ZNF215: variants seen among roughly 807,000 people sequenced by gnomAD.
ZNF215 encodes BWSCR2-associated zinc finger protein 2.
Under a neutral mutation model 27.2 loss-of-function variants are expected in ZNF215, and 24 were observed. The observed-to-expected ratio is 0.88, with a 90% confidence interval of 0.64 to 1.24. The LOEUF is 1.24. Ranked by LOEUF, ZNF215 falls within the 50% of genes most tolerant of loss-of-function variation. The pLI is 0.00. For missense variants in ZNF215, 675 were observed against 605.7 expected, an observed-to-expected ratio of 1.11 and a Z score of -1.20; for synonymous variants, 210 against 204.0, an observed-to-expected ratio of 1.03 and a Z score of -0.25.
intron 6 of ZNF215, among the ~76,000 whole-genome samples, chr11:6,945,148 CA>C (rs1849774389): frequency 6.6e-6 from 1 of 152,112 alleles, no homozygotes; most frequent in Non-Finnish European, 1.5e-5. Context: ...ATCATCCTAG[CA>C]AACACTGGGT....
chr11:6,953,415 T>G (rs1023449793), intron 6 of ZNF215, among the ~76,000 whole-genome samples: 3 of 152,242 alleles, frequency 2.0e-5, no homozygotes, highest in African/African-American at 7.2e-5. Flanking sequence ...CCCATATTTC[T>G]TGGAGGCTTT....
At chr11:6,990,435 A>G (rs1476761895), downstream of ZNF215, among the ~76,000 whole-genome samples, 1 of 152,230 alleles carries the variant, frequency 6.6e-6, no homozygotes, top group Non-Finnish European at 1.5e-5. Flanking sequence ...GGATATGCAT[A>G]TCTATTTGCT....
chr11:6,990,051 T>C (rs1294136556), downstream of ZNF215, among the ~76,000 whole-genome samples: 1 of 152,224 alleles, frequency 6.6e-6, no homozygotes, highest in African/African-American at 2.4e-5. Context: ...AATCAGATCA[T>C]GCTTCATTGC....
chr11:6,939,329 ATTAC>A (rs1308654069), intron 3 of ZNF215, among the ~76,000 whole-genome samples: 3 of 152,170 alleles, frequency 2.0e-5, no homozygotes, highest in Non-Finnish European at 2.9e-5. Context: ...GCCTAGTACA[ATTAC>A]TTTAGTGTTG....
chr11:6,939,108 A>C (rs531004901), intron 3 of ZNF215, among the ~76,000 whole-genome samples: 1 of 152,360 alleles, frequency 6.6e-6, no homozygotes, highest in East Asian at 1.9e-4. Context: ...TTTTATACTC[A>C]TGGCAGGATA....
intron 3 of ZNF215, among the ~76,000 whole-genome samples, chr11:6,941,176 G>A (rs1297767757): frequency 6.6e-6 from 1 of 152,228 alleles, no homozygotes; most frequent in Non-Finnish European, 1.5e-5. Context: ...TGGAGTGTTT[G>A]AAGAAGGGAT....
intron 5 of ZNF215, among the ~76,000 whole-genome samples, chr11:6,965,091 C>G (rs1850593367): frequency 6.6e-6 from 1 of 151,982 alleles, no homozygotes; most frequent in Admixed American, 6.6e-5. Context: ...CAGATGTGGC[C>G]TCCATATTAA....
At chr11:6,965,057 T>C (rs1214566629) in intron 5 of ZNF215, among the ~76,000 whole-genome samples, 1 of 152,150 alleles carries the variant, frequency 6.6e-6, no homozygotes, top group African/African-American at 2.4e-5. Flanking sequence ...CATGGGTCTT[T>C]ACATGCATCA....
intron 5 of ZNF215, among the ~76,000 whole-genome samples, chr11:6,971,181 C>T (rs555408133): frequency 3.0e-4 from 46 of 152,150 alleles, no homozygotes; most frequent in Non-Finnish European, 4.7e-4. Context: ...GCCTCCTTAA[C>T]TAATAAGGAT....
chr11:6,950,403 T>G, intron 6 of ZNF215, among the ~76,000 whole-genome samples: 1 of 152,088 alleles, frequency 6.6e-6, no homozygotes, highest in Non-Finnish European at 1.5e-5. Flanking sequence ...CCTCTTTAAT[T>G]TCATTGAGCA....
chr11:6,970,103 A>G (rs141274823), intron 5 of ZNF215, among the ~76,000 whole-genome samples: 9 of 92,710 alleles, frequency 9.7e-5, no homozygotes, highest in Middle Eastern at 7.1e-3. Context: ...TTTGAAATAT[A>G]TATCACCCCC....
intron 5 of ZNF215, among the ~76,000 whole-genome samples, chr11:6,973,395 C>A (rs1211085642): frequency 6.6e-6 from 1 of 152,126 alleles, no homozygotes; most frequent in Non-Finnish European, 1.5e-5. Flanking sequence ...GATTTATAAT[C>A]CTTTGGGTAT....
At chr11:6,935,550 CAGTT>C (rs1240662380) in intron 3 of ZNF215, among the ~76,000 whole-genome samples, 6 of 152,032 alleles carry the variant, frequency 3.9e-5, no homozygotes, top group East Asian at 1.9e-4. Flanking sequence ...ATAACTACAA[CAGTT>C]AGAGCCTCAA....
chr11:6,976,659 G>T (rs944301483), intron 5 of ZNF215, among the ~76,000 whole-genome samples: 7 of 151,734 alleles, frequency 4.6e-5, no homozygotes, highest in Non-Finnish European at 8.8e-5. Flanking sequence ...ATGCTTTTTG[G>T]TTCTCACCTG....
At chr11:6,958,500 T>C (rs569437289), downstream of ZNF215, among the ~76,000 whole-genome samples, 3 of 152,254 alleles carry the variant, frequency 2.0e-5, no homozygotes, top group Non-Finnish European at 4.4e-5. Context: ...TTTAAAGCTC[T>C]TGCAGAGCAT....
chr11:6,952,941 ATCTC>A (rs768451609), intron 6 of ZNF215, among the ~76,000 whole-genome samples: 10 of 151,882 alleles, frequency 6.6e-5, no homozygotes, highest in Non-Finnish European at 1.0e-4. Context: ...TGGTGACAAA[ATCTC>A]TCAGCATTTG....
In ZNF215 at chr11:6,932,268, G is replaced by T. The variant is rs750189709; in HGVS notation, c.-5G>T. On this transcript the variant is annotated 5_prime_UTR_variant, in exon 3 of 7. It adds an upstream start codon to the 5' untranslated region. Coordinates refer to ENST00000278319, the MANE Select transcript of ZNF215 (RefSeq NM_013250.4). ...TGAACTACTGTGGGAGTTCTATTTA[G>T]GAAGATGCAGCCTCTGAGCAAGTTG... 1 of 1,611,860 alleles carries T rather than the reference G, an allele frequency of 6.2e-7. No homozygotes were observed. The highest frequency in any genetic ancestry group is 8.5e-7 in the Non-Finnish European group (1 of 1,179,006).
At chr11:6,984,053 T>A (rs538833297) in intron 5 of ZNF215, 1 of 366,336 alleles carries the variant, frequency 2.7e-6, no homozygotes, top group African/African-American at 2.2e-5. Context: ...TCAAACGCTA[T>A]CTTTGGGGGT....
intron 6 of ZNF215, among the ~76,000 whole-genome samples, chr11:6,953,566 G>A (rs1850182077): frequency 6.6e-6 from 1 of 152,140 alleles, no homozygotes; most frequent in Admixed American, 6.5e-5. Flanking sequence ...TAGTTCTCGA[G>A]CCTTGGTTTT....
Sources: gnomAD v4.1 joint callset for allele counts (sites outside exome capture counted in the v4.1 genomes callset) on GRCh38, gnomAD v4.1.1 for gene constraint, MANE v1.5 for transcripts, NCBI Gene and HGNC (gene_info 2026-07-23, HGNC 2026-07-21) for gene names.